The following FHIP1A variants were observed in gnomAD, a reference collection of about 807,000 sequenced individuals.
The protein encoded by FHIP1A is FHF complex subunit HOOK interacting protein 1A, also known as FHF complex subunit HOOK-interacting protein 1A.
FHIP1A carries 61 observed loss-of-function variants against 88.6 expected under a neutral mutation model. The ratio of observed to expected loss-of-function variants is 0.69; its 90% confidence interval spans 0.56 to 0.85. FHIP1A has a LOEUF of 0.85. Ranked by LOEUF, FHIP1A falls within the 40% of genes least tolerant of loss-of-function variation. The pLI is 0.00. For synonymous variants in FHIP1A, 478 were observed against 496.0 expected (o/e 0.96, Z 0.48); for missense variants, 1,154 against 1,273.5 (o/e 0.91, Z 1.43).
chr4:151,579,145 A>G (rs1733928786), intron 5 of FHIP1A, among the ~76,000 whole-genome samples: 1 of 152,192 alleles, frequency 6.6e-6, no homozygotes, highest in Non-Finnish European at 1.5e-5. Context: ...ATGGCAGTCA[A>G]ATTACTTTGT....
intron 3 of FHIP1A, among the ~76,000 whole-genome samples, chr4:151,486,559 T>C (rs1257344250): frequency 6.6e-6 from 1 of 152,212 alleles, no homozygotes; most frequent in African/African-American, 2.4e-5. Context: ...GATGTGATTT[T>C]AAATGGCTCT....
At chr4:151,516,322 A>G (rs1454816702) in intron 3 of FHIP1A, among the ~76,000 whole-genome samples, 1 of 151,834 alleles carries the variant, frequency 6.6e-6, no homozygotes, top group Non-Finnish European at 1.5e-5. Context: ...AAAGACTTAA[A>G]CGTTAGACCT....
rs1264991243 is a variant in FHIP1A at position 151,669,137 on chromosome 4, C to T, written c.*6383C>T. 6.6e-6 allele frequency among the ~76,000 whole-genome samples: 1 copy of T among 152,190 alleles called. No homozygotes were observed. Among genetic ancestry groups the T allele is most frequent in the Non-Finnish European group, 1.5e-5 (1 of 68,050 alleles). ...GAATTTCTTGGGGTGTTAATGTAAA[C>T]ATATCTTTAGAATATCTCATCGGGT... On this transcript the variant is annotated 3_prime_UTR_variant, in exon 14 of 14. Coordinates refer to ENST00000435205, the MANE Select transcript of FHIP1A (RefSeq NM_001109977.3).
intron 3 of FHIP1A, among the ~76,000 whole-genome samples, chr4:151,495,272 G>A (rs916883654): frequency 6.6e-6 from 1 of 152,150 alleles, no homozygotes; most frequent in African/African-American, 2.4e-5. Context: ...GGAGGCCAAG[G>A]CGGGCAGTTC....
intron 7 of FHIP1A, among the ~76,000 whole-genome samples, chr4:151,598,436 T>C (rs1267223515): frequency 2.6e-5 from 4 of 152,180 alleles, no homozygotes; most frequent in African/African-American, 9.7e-5. Context: ...ACCTTCTGCA[T>C]TGATCTTGCT....
intron 7 of FHIP1A, among the ~76,000 whole-genome samples, chr4:151,600,668 C>A (rs114290241): frequency 6.6e-6 from 1 of 152,152 alleles, no homozygotes; most frequent in Admixed American, 6.5e-5. Context: ...TGTCTGGGGC[C>A]TCAGCAGGCT....
intron 3 of FHIP1A, among the ~76,000 whole-genome samples, chr4:151,551,890 G>C (rs979705012): frequency 1.3e-5 from 2 of 152,154 alleles, no homozygotes; most frequent in Admixed American, 1.3e-4. Context: ...AGAGTGAACA[G>C]GCAACCTACA....
chr4:151,430,600 A>G (rs1733553959), intron 1 of FHIP1A, among the ~76,000 whole-genome samples: 1 of 152,204 alleles, frequency 6.6e-6, no homozygotes, highest in African/African-American at 2.4e-5. Context: ...TTTAAGTAGG[A>G]GTAATTGAGT....
chr4:151,605,576 C>A (rs1348784009), intron 7 of FHIP1A, among the ~76,000 whole-genome samples: 1 of 152,190 alleles, frequency 6.6e-6, no homozygotes, highest in African/African-American at 2.4e-5. Context: ...TCCACCATCT[C>A]TTCTGTGCTG....
chr4:151,506,197 T>C (rs1308234897), intron 3 of FHIP1A, among the ~76,000 whole-genome samples: 1 of 152,152 alleles, frequency 6.6e-6, no homozygotes, highest in African/African-American at 2.4e-5. Context: ...TGTGAGCCAC[T>C]GTGCCTGGCC....
At chr4:151,452,018 C>G (rs1006425412) in intron 1 of FHIP1A, among the ~76,000 whole-genome samples, 2 of 152,014 alleles carry the variant, frequency 1.3e-5, no homozygotes, top group African/African-American at 2.4e-5. Flanking sequence ...ATATGGTCTC[C>G]TTACGCTGCC....
At chr4:151,570,625 T>G (rs1271240904) in intron 4 of FHIP1A, among the ~76,000 whole-genome samples, 1 of 152,156 alleles carries the variant, frequency 6.6e-6, no homozygotes, top group Non-Finnish European at 1.5e-5. Context: ...CCCAACCACT[T>G]TTTATTAAAA....
chr4:151,629,944 T>A, intron 8 of FHIP1A, 75 bp downstream of exon 8: 2 of 1,207,178 alleles, frequency 1.7e-6, no homozygotes, highest in Non-Finnish European at 2.3e-6. Flanking sequence ...GGGAATGAAA[T>A]TATGAATATT....
chr4:151,557,068 T>C (rs1468018828), intron 3 of FHIP1A, among the ~76,000 whole-genome samples: 1 of 152,188 alleles, frequency 6.6e-6, no homozygotes, highest in African/African-American at 2.4e-5. Flanking sequence ...GCAATTTCAC[T>C]CTAATAGTAT....
intron 3 of FHIP1A, among the ~76,000 whole-genome samples, chr4:151,512,102 C>T (rs1289016321): frequency 4.6e-5 from 7 of 152,338 alleles, no homozygotes; most frequent in East Asian, 3.9e-4. Context: ...TCCAGAGGAA[C>T]GATCAGACAG....
chr4:151,577,526 C>T lies in FHIP1A; in HGVS notation c.182C>T (p.Ala61Val). ...AKYGSIPPDE[A>V]SAVQNYVEHM... ...TATGGGTCTATCCCTCCAGATGAGG[C>T]CAGTGCCGTGCAGAATTACGTAGAA... Residue 61 changes from alanine (A) to valine (V), a missense_variant, in exon 5 of 14, where the codon GCC (alanine) becomes GTC (valine). Coordinates refer to ENST00000435205, the MANE Select transcript of FHIP1A (RefSeq NM_001109977.3). 6.4e-7 allele frequency: 1 copy of T among 1,551,570 alleles called. No homozygotes were observed. The highest frequency in any genetic ancestry group is 2.4e-5 in the East Asian group (1 of 40,934).
chr4:151,479,754 A>G (rs1389956669), intron 2 of FHIP1A, among the ~76,000 whole-genome samples: 1 of 152,024 alleles, frequency 6.6e-6, no homozygotes, highest in Non-Finnish European at 1.5e-5. Context: ...CACCCCAACA[A>G]AGTGTTCATT....
chr4:151,451,064 C>T (rs1045709782), intron 1 of FHIP1A, among the ~76,000 whole-genome samples: 37 of 152,132 alleles, frequency 2.4e-4, no homozygotes, highest in Admixed American at 2.2e-3. Flanking sequence ...AGATGTGAGC[C>T]ACTGCGCCTG....
At chr4:151,563,153 A>G (rs1304989218) in intron 3 of FHIP1A, among the ~76,000 whole-genome samples, 1 of 152,104 alleles carries the variant, frequency 6.6e-6, no homozygotes, top group Non-Finnish European at 1.5e-5. Context: ...AATAATGTCT[A>G]TAGTCAGTTC....
Sources: gnomAD v4.1 joint callset for allele counts (sites outside exome capture counted in the v4.1 genomes callset) on GRCh38, gnomAD v4.1.1 for gene constraint, MANE v1.5 for transcripts, NCBI Gene and HGNC (gene_info 2026-07-23, HGNC 2026-07-21) for gene names.